MYT1L: variants seen among roughly 807,000 people sequenced by gnomAD.
The protein encoded by MYT1L is myelin transcription factor 1-like protein.
In MYT1L, 12 loss-of-function variants were observed where a neutral mutation model predicts 126.7. The observed-to-expected ratio is 0.09, with a 90% CI of 0.06 to 0.15. The LOEUF is 0.15. MYT1L is among the 10% of genes least tolerant of loss of function. The pLI is 1.00. For synonymous variants in MYT1L, 541 were observed against 604.2 expected, an observed-to-expected ratio of 0.90 and a Z score of 1.53; for missense variants, 979 against 1,585.2, an observed-to-expected ratio of 0.62 and a Z score of 6.49.
At chr2:2,242,932 C>T (rs1446075713) in intron 2 of MYT1L, among the ~76,000 whole-genome samples, 1 of 151,956 alleles carries the variant, frequency 6.6e-6, no homozygotes, top group Non-Finnish European at 1.5e-5. Context: ...CAGGAAGGTG[C>T]CTGTGGAATA....
chr2:2,328,155 G>GT (rs574082427), intron 1 of MYT1L, among the ~76,000 whole-genome samples: 135 of 152,158 alleles, frequency 8.9e-4, no homozygotes, highest in Middle Eastern at 3.4e-3. Context: ...AAGTATAATT[G>GT]TAACAAATAG....
intron 1 of MYT1L, among the ~76,000 whole-genome samples, chr2:2,302,087 C>T (rs1351217653): frequency 2.0e-5 from 3 of 152,148 alleles, no homozygotes; most frequent in Non-Finnish European, 4.4e-5. Flanking sequence ...TTGCCATGAT[C>T]AATTACCTTT....
chr2:1,874,721 GATGCTGCA>G (rs1482510205), intron 18 of MYT1L, among the ~76,000 whole-genome samples: 1 of 152,204 alleles, frequency 6.6e-6, no homozygotes, highest in Non-Finnish European at 1.5e-5. Context: ...ACCTCCATGT[GATGCTGCA>G]ACCTGATCCC....
At chr2:2,230,930 A>G (rs1381142800) in intron 2 of MYT1L, among the ~76,000 whole-genome samples, 1 of 152,280 alleles carries the variant, frequency 6.6e-6, no homozygotes, top group African/African-American at 2.4e-5. Flanking sequence ...GGTTCCATGG[A>G]GCACTACTGT....
intron 3 of MYT1L, among the ~76,000 whole-genome samples, chr2:2,117,435 A>G (rs2080356890): frequency 6.6e-6 from 1 of 152,138 alleles, no homozygotes; most frequent in Non-Finnish European, 1.5e-5. Flanking sequence ...CCGGGACTTC[A>G]GTGGGCATCG....
chr2:2,291,074 G>GAA (rs1553627114), intron 1 of MYT1L, among the ~76,000 whole-genome samples: 1 of 145,142 alleles, frequency 6.9e-6, no homozygotes, highest in Non-Finnish European at 1.5e-5. Context: ...AAAAAAAAAT[G>GAA]AAAGTCAGTA....
intron 4 of MYT1L, among the ~76,000 whole-genome samples, chr2:2,023,551 G>A (rs761085219): frequency 3.9e-5 from 6 of 152,084 alleles, no homozygotes; most frequent in African/African-American, 1.2e-4. Flanking sequence ...CTCCCAGCAC[G>A]GGCTCCTGAA....
chr2:2,181,921 C>CT (rs1347680516), intron 2 of MYT1L, among the ~76,000 whole-genome samples: 10 of 152,134 alleles, frequency 6.6e-5, no homozygotes, highest in Non-Finnish European at 1.5e-4. Flanking sequence ...CAGAGAGAAA[C>CT]TGAGGTTCAG....
At chr2:2,007,786 C>T (rs997868113) in intron 4 of MYT1L, among the ~76,000 whole-genome samples, 1 of 152,124 alleles carries the variant, frequency 6.6e-6, no homozygotes, top group South Asian at 2.1e-4. Flanking sequence ...TCTGATCCAG[C>T]CAATGCCATT....
intron 3 of MYT1L, among the ~76,000 whole-genome samples, chr2:2,098,615 G>A (rs1010781066): frequency 2.0e-5 from 3 of 152,258 alleles, no homozygotes; most frequent in East Asian, 3.9e-4. Context: ...CCTGCTAAAC[G>A]CCCTGCAGAC....
chr2:2,053,645 T>C (rs1322510720), intron 4 of MYT1L, among the ~76,000 whole-genome samples: 2 of 152,098 alleles, frequency 1.3e-5, no homozygotes, highest in African/African-American at 2.4e-5. Flanking sequence ...GGGATCTGAT[T>C]TTAAAGGGGC....
chr2:1,799,204 A>C (rs931510225), intron 23 of MYT1L, among the ~76,000 whole-genome samples: 2 of 152,230 alleles, frequency 1.3e-5, no homozygotes, highest in African/African-American at 2.4e-5. Context: ...ATCAGGTCCA[A>C]ATAGATGCTG....
In MYT1L at chr2:1,806,474, C is replaced by T. The variant is rs550475165; in HGVS notation, c.3172+2602G>A. Among the ~76,000 whole-genome samples the T allele has an allele frequency of 4.6e-5, 7 of 152,194 alleles. No individual in the cohort carries two copies. Among genetic ancestry groups the T allele is most frequent in the Non-Finnish European group, 7.3e-5 (5 of 68,040 alleles). ...GGGCGGACGGTGGCCCTGGAATGCC[C>T]GTGTCCCGGCTGCTTTCTGGTGGGA... On this transcript the variant is annotated intron_variant, in intron 22 of 24. Coordinates refer to ENST00000647738, the MANE Select transcript of MYT1L (RefSeq NM_001303052.2). The surrounding 1 kb of genome is among the most constrained non-coding windows in gnomAD (Gnocchi z 4.9).
chr2:2,279,469 G>T (rs1380048370), intron 2 of MYT1L, among the ~76,000 whole-genome samples: 2 of 151,460 alleles, frequency 1.3e-5, no homozygotes, highest in African/African-American at 2.4e-5. Context: ...GAAAAAGAGA[G>T]GTGGAGTCCA....
At chr2:2,237,682 C>A (rs952105155) in intron 2 of MYT1L, among the ~76,000 whole-genome samples, 1 of 152,194 alleles carries the variant, frequency 6.6e-6, no homozygotes, top group Non-Finnish European at 1.5e-5. Flanking sequence ...GGCCCCTTTA[C>A]ATAAACCACT....
At chr2:1,797,147 T>C (rs1188780574) in intron 23 of MYT1L, among the ~76,000 whole-genome samples, 1 of 152,132 alleles carries the variant, frequency 6.6e-6, no homozygotes, top group Non-Finnish European at 1.5e-5. Flanking sequence ...TCCAGTTGAA[T>C]GGGGTTGGGG....
chr2:1,984,301 C>T (rs2060837046), intron 5 of MYT1L, among the ~76,000 whole-genome samples: 2 of 152,092 alleles, frequency 1.3e-5, no homozygotes, highest in South Asian at 2.1e-4. Context: ...TAGCTTGCTG[C>T]ACCCTCGAAC....
intron 3 of MYT1L, among the ~76,000 whole-genome samples, chr2:2,123,809 C>T (rs1052754058): frequency 1.1e-4 from 17 of 152,192 alleles, no homozygotes; most frequent in African/African-American, 3.9e-4. Flanking sequence ...TCAGTCCTCA[C>T]AAGGGTCTCT....
rs2053067561 is a variant in MYT1L, at chr2:1,917,815, C to A, written c.1484-476G>T. On this transcript the variant is annotated intron_variant, in intron 10 of 24. Transcript: ENST00000647738. The surrounding 1 kb of genome is among the most constrained non-coding windows in gnomAD (Gnocchi z 5.9). ...GTGCTCTGATCGCATACACTAGAAG[C>A]TGCAGGATTTTACTGACATTGAAAT... 2.0e-5 allele frequency among the ~76,000 whole-genome samples: 3 copies of A among 152,180 alleles called. No homozygotes were observed. Among genetic ancestry groups the A allele is most frequent in the Admixed American group, 2.0e-4 (3 of 15,274 alleles).
Sources: gnomAD v4.1 joint callset for allele counts (sites outside exome capture counted in the v4.1 genomes callset) on GRCh38, gnomAD v4.1.1 for gene constraint, Gnocchi (gnomAD v3.1) non-coding constraint, MANE v1.5 for transcripts, NCBI Gene and HGNC (gene_info 2026-07-23, HGNC 2026-07-21) for gene names.